Variants in KDM5A observed in about 807,000 individuals in gnomAD.
The protein encoded by KDM5A is lysine demethylase 5A.
Under a neutral mutation model 193.5 loss-of-function variants are expected in KDM5A, and 42 were observed. The ratio of observed to expected loss-of-function variants is 0.22; its 90% CI spans 0.17 to 0.28. The LOEUF (loss-of-function observed/expected upper bound fraction) is 0.28, where lower values mean the gene tolerates loss of function less well. KDM5A is among the 10% of genes least tolerant of loss of function. KDM5A has a pLI of 1.00. For missense variants in KDM5A, 1,692 were observed against 2,055.1 expected (o/e 0.82, Z 3.42); for synonymous variants, 796 against 718.1 (o/e 1.11, Z -1.73).
chr12:292,584 A>C (rs1943310406), intron 27 of KDM5A, among the ~76,000 whole-genome samples, 175 bp downstream of exon 27: 1 of 152,268 alleles, frequency 6.6e-6, no homozygotes, highest in African/African-American at 2.4e-5. Flanking sequence ...CACTTCTACT[A>C]GGCACACTAA....
At chr12:387,216 G>C (rs143973548) in intron 1 of KDM5A, 6 of 362,294 alleles carry the variant, frequency 1.7e-5, no homozygotes, top group Non-Finnish European at 3.1e-5. Context: ...ATTTTAAAAC[G>C]TTGAGTAGTC....
At chr12:303,090 T>C (rs1412788461) in intron 24 of KDM5A, among the ~76,000 whole-genome samples, 4 of 152,048 alleles carry the variant, frequency 2.6e-5, no homozygotes, top group Admixed American at 6.5e-5. Flanking sequence ...AGTTCAACCA[T>C]TGTGGAAGAC....
intron 5 of KDM5A, among the ~76,000 whole-genome samples, chr12:357,995 A>G (rs1944248087): frequency 6.6e-6 from 1 of 152,132 alleles, no homozygotes; most frequent in East Asian, 1.9e-4. Flanking sequence ...AGAAAGATGG[A>G]AAGAGCCTGG....
intron 24 of KDM5A, among the ~76,000 whole-genome samples, chr12:305,669 G>A (rs570810887): frequency 3.9e-5 from 6 of 152,328 alleles, no homozygotes; most frequent in African/African-American, 1.4e-4. Flanking sequence ...CAGGGTCTCT[G>A]CCTAATCACA....
chr12:327,847 T>C (rs1254126356), intron 14 of KDM5A, among the ~76,000 whole-genome samples: 1 of 152,172 alleles, frequency 6.6e-6, no homozygotes, highest in Non-Finnish European at 1.5e-5. Context: ...GCTCCACCAC[T>C]ACGAAAAATT....
At chr12:377,441 G>A (rs571963306) in intron 3 of KDM5A, among the ~76,000 whole-genome samples, 34 of 151,886 alleles carry the variant, frequency 2.2e-4, no homozygotes, top group African/African-American at 7.0e-4. Flanking sequence ...GCATATCACC[G>A]TGAAATTTCA....
At chr12:326,877 A>AG (rs1176800029) in intron 14 of KDM5A, among the ~76,000 whole-genome samples, 1 of 148,904 alleles carries the variant, frequency 6.7e-6, no homozygotes, top group Non-Finnish European at 1.5e-5. Context: ...AAAAAAAAAA[A>AG]AAAAAAAAAA....
At chr12:372,719 G>C (rs1017858269) in intron 3 of KDM5A, among the ~76,000 whole-genome samples, 3 of 152,172 alleles carry the variant, frequency 2.0e-5, no homozygotes, top group African/African-American at 7.2e-5. Flanking sequence ...TATGATATTG[G>C]CTGTGGGTTT....
intron 7 of KDM5A, 76 bp downstream of exon 7, chr12:355,082 G>T: frequency 2.3e-6 from 2 of 868,092 alleles, no homozygotes; most frequent in Non-Finnish European, 4.0e-6. Context: ...CACATACCAT[G>T]ATATATCAGG....
At chr12:356,374 G>GT (rs1378702002) in intron 6 of KDM5A, 58 bp downstream of exon 6, 8 of 1,089,562 alleles carry the variant, frequency 7.3e-6, no homozygotes, top group East Asian at 7.3e-5. Flanking sequence ...TATCATTTGA[G>GT]TTTTTTTACA....
intron 10 of KDM5A, among the ~76,000 whole-genome samples, chr12:338,100 C>T (rs1184108802): frequency 6.6e-6 from 1 of 152,166 alleles, no homozygotes. Context: ...AGGAGTTAAA[C>T]ACAGCAGGCC....
rs532914801 is a variant in KDM5A, at chr12:364,568, G to A, written c.537+1366C>T. ...TGGGAGGCCGAGGTGAGTGGATCAC[G>A]AGGTCAGGAGATCGAGACCATCCTG... is the stretch of plus-strand genomic sequence containing the variant. On this transcript the variant is annotated intron_variant, in intron 4 of 27. Coordinates refer to ENST00000399788, the MANE Select transcript of KDM5A (RefSeq NM_001042603.3). 2.5e-4 allele frequency among the ~76,000 whole-genome samples: 38 copies of A among 151,648 alleles called. No homozygotes were observed. The South Asian group carries it at 7.7e-3, about 31-fold the overall frequency.
chr12:355,216 C>G lies in KDM5A; in HGVS notation c.812G>C (p.Arg271Thr), dbSNP rs1231458331. The G allele has an allele frequency of 6.2e-7, 1 of 1,612,796 alleles. No homozygotes were observed. The highest frequency in any genetic ancestry group is 8.5e-7 in the Non-Finnish European group (1 of 1,178,824). ...EVTRRRKVTN[R>T]SDAFNMQMRQ... ...CATTTGCATGTTAAATGCGTCTGAC[C>G]TGTTGGTAACTTTTCGTCTTCGGGT... Residue 271 changes from arginine (R) to threonine (T), a missense_variant, in exon 7 of 28, where the codon AGG becomes ACG. Around this residue, in one of 11 missense-constraint regions of KDM5A, gnomAD observed 134 missense variants for 124.2 expected, o/e 1.08. Transcript: ENST00000399788.
chr12:342,257 C>T (rs905541835), intron 10 of KDM5A, among the ~76,000 whole-genome samples: 8 of 152,010 alleles, frequency 5.3e-5, no homozygotes, highest in Admixed American at 3.3e-4. Context: ...TAAATTATTG[C>T]CAATTATAGG....
rs753142023 is a variant in KDM5A at position 307,046 on chromosome 12, A to G, written c.3974T>C (p.Val1325Ala). 44 of 1,614,072 alleles carry G rather than the reference A, an allele frequency of 2.7e-5. No homozygotes were observed. The highest frequency in any genetic ancestry group is 3.6e-5 in the Non-Finnish European group (42 of 1,180,024). Residue 1325 changes from valine to alanine, a missense_variant, in exon 24 of 28, where the codon GTG becomes GCG. By Grantham distance (64) the Val-to-Ala change is moderately conservative. Coordinates refer to ENST00000399788, the MANE Select transcript of KDM5A (RefSeq NM_001042603.3). The surrounding 1 kb of genome is among the most constrained non-coding windows in gnomAD (Gnocchi z 4.3). ...TCGAGGAGAAGATGACACACTGCTC[A>G]CCACCCGGTTAAAAGCAGACTGCTG... ...SFQQSAFNRV[V>A]SSVSSSPRQT...
chr12:300,744 T>A (rs1319656871), intron 24 of KDM5A, among the ~76,000 whole-genome samples: 1 of 152,154 alleles, frequency 6.6e-6, no homozygotes. Flanking sequence ...ATCCAGGAGC[T>A]GGTTTTTTGA....
rs749749464 is a variant in KDM5A at position 309,952 on chromosome 12, G to C, written c.3229C>G (p.Arg1077Gly). 1.2e-6 allele frequency: 2 copies of C among 1,612,844 alleles called. No individual in the cohort carries two copies. The highest frequency in any genetic ancestry group is 1.7e-6 in the Non-Finnish European group (2 of 1,179,664). The change falls in exon 22 of 28, where the codon CGG (arginine) becomes GGG (glycine). Residue 1077 changes from arginine to glycine, a missense_variant. Arg to Gly is a moderately radical substitution (Grantham distance 125). Transcript: ENST00000399788. Reference protein sequence around the residue: ...SHTLLQVLSPRTDIGVYGSGK... With the variant: ...SHTLLQVLSPGTDIGVYGSGK... ...CTCCCATATACACCAATGTCGGTCC[G>C]GGGGCTCAGCACCTACAAAAATAAA...
rs1000421480 is a variant in KDM5A, at chr12:282,657, T to C, written c.*2799A>G. The C allele has an allele frequency of 8.6e-6, 2 of 232,978 alleles. No homozygotes were observed. The highest frequency in any genetic ancestry group is 4.4e-5 in the African/African-American group (2 of 45,364). The allele number at this position is 232,978 out of a possible 1,614,324, so 14.4% of individuals were successfully genotyped here. A position where few individuals can be genotyped will look rare whatever the true frequency, so the allele number is the denominator to read the frequency against. On this transcript the variant is annotated 3_prime_UTR_variant, in exon 28 of 28. Transcript: ENST00000399788. ...CCACAGGCCTACCATATTTCCATTT[T>C]TCTTTCTATAACCTTTGCCAGAGTT... is the stretch of plus-strand genomic sequence containing the variant.
intron 16 of KDM5A, 123 bp downstream of exon 16, chr12:322,959 C>A: frequency 7.6e-7 from 1 of 1,307,798 alleles, no homozygotes; most frequent in Non-Finnish European, 1.1e-6. Flanking sequence ...ACCCATTAAT[C>A]TCAAATCTCA....
Sources: allele counts gnomAD v4.1 joint callset (sites outside exome capture counted in the v4.1 genomes callset), GRCh38; gene constraint gnomAD v4.1.1; regional missense constraint gnomAD v4.1.1; non-coding constraint Gnocchi (gnomAD v3.1); transcripts MANE v1.5; gene names NCBI Gene and HGNC (gene_info 2026-07-23, HGNC 2026-07-21).